Variants in CSNK1D observed in about 807,000 individuals in gnomAD.
CSNK1D encodes casein kinase I isoform delta.
A neutral mutation model predicts 46.6 loss-of-function variants in CSNK1D; 16 were observed. The observed-to-expected ratio is 0.34, with a 90% CI of 0.23 to 0.52. The LOEUF (loss-of-function observed/expected upper bound fraction) is 0.52, where lower values mean the gene tolerates loss of function less well. CSNK1D is among the 20% of genes least tolerant of loss of function. The pLI is 0.95. For missense variants in CSNK1D, 398 were observed against 578.4 expected (o/e 0.69, Z 3.20); for synonymous variants, 276 against 228.2 (o/e 1.21, Z -1.89).
At chr17:82,253,361 G>C (rs1255429769) in intron 3 of CSNK1D, 117 bp from the exon 4 acceptor site, 3 of 897,328 alleles carry the variant, frequency 3.3e-6, no homozygotes, top group Non-Finnish European at 5.6e-6. Context: ...CCACAGCAGG[G>C]TAGTTTAACA....
In CSNK1D at chr17:82,254,966, C is replaced by T. The variant is rs184989163; in HGVS notation, c.336+463G>A. Among the ~76,000 whole-genome samples the T allele has an allele frequency of 4.9e-3, 692 of 141,228 alleles. 2 individuals are homozygous for T. The highest frequency in any genetic ancestry group is 7.6e-3 in the Admixed American group (109 of 14,342). 92.7% of individuals were successfully genotyped at this position (141,228 alleles called of 152,430 possible). ...GCCTCGACAAGCCAGTGAGCTGAGC[C>T]GCCGGAGCCTCCAGAAGCCAGTCAG... On this transcript the variant is annotated intron_variant, in intron 3 of 8. Coordinates refer to ENST00000314028, the MANE Select transcript of CSNK1D (RefSeq NM_001893.6).
In CSNK1D at chr17:82,243,754, C is replaced by G; in HGVS notation, c.*1027G>C. On this transcript the variant is annotated 3_prime_UTR_variant, in exon 9 of 9. Coordinates refer to ENST00000314028, the MANE Select transcript of CSNK1D (RefSeq NM_001893.6). ...GCATTCATACAGACGGAGTGCCAAT[C>G]CGCACAGGAGCATTGAGTGCTGAGA... 1 of 985,468 alleles carries G rather than the reference C, an allele frequency of 1.0e-6. No individual in the cohort carries two copies. Among genetic ancestry groups the G allele is most frequent in the Non-Finnish European group, 1.2e-6 (1 of 829,958 alleles). The allele number at this position is 985,468 out of a possible 1,614,324, so 61.0% of individuals were successfully genotyped here. A position where few individuals can be genotyped will look rare whatever the true frequency, so the allele number is the denominator to read the frequency against.
rs1211915068 is a variant in CSNK1D, at chr17:82,251,761, A to T, written c.737-234T>A. The T allele has an allele frequency of 5.8e-6, 3 of 519,828 alleles. No homozygotes were observed. The highest frequency in any genetic ancestry group is 1.9e-5 in the African/African-American group (1 of 51,412). 32.2% of individuals were successfully genotyped at this position (519,828 alleles called of 1,614,324 possible). On this transcript the variant is annotated intron_variant, in intron 5 of 8. Coordinates refer to ENST00000314028, the MANE Select transcript of CSNK1D (RefSeq NM_001893.6). This position sits in a 1 kb window ranked among gnomAD's most constrained non-coding sequence, Gnocchi z 4.5. The stretch of plus-strand genomic sequence containing the variant: ...ACCCCAGCACTCTAGGAGGCTGAGG[A>T]GGGCGGATCACGAGGTCAGGAGATC...
chr17:82,240,999 G>A (rs1006172481), downstream of CSNK1D, among the ~76,000 whole-genome samples: 2 of 152,276 alleles, frequency 1.3e-5, no homozygotes, highest in African/African-American at 2.4e-5. Context: ...TCTGGTGCGT[G>A]GGCTGCAGAG....
chr17:82,259,814 A>C (rs2051276910), intron 2 of CSNK1D, among the ~76,000 whole-genome samples: 1 of 152,274 alleles, frequency 6.6e-6, no homozygotes. Flanking sequence ...AGAAAGGTAC[A>C]GAATACAGAC....
downstream of CSNK1D, chr17:82,242,638 A>G: frequency 1.0e-6 from 1 of 985,108 alleles, no homozygotes; most frequent in Non-Finnish European, 1.2e-6. Context: ...AGCTGATGAA[A>G]TAAAGACCAC....
At chr17:82,266,557 C>A (rs756622040) in intron 1 of CSNK1D, among the ~76,000 whole-genome samples, 5 of 152,216 alleles carry the variant, frequency 3.3e-5, no homozygotes, top group African/African-American at 1.2e-4. Context: ...TCCATCTCTG[C>A]TTTACTCCAA....
At chr17:82,261,667 C>A (rs1383584883) in intron 2 of CSNK1D, among the ~76,000 whole-genome samples, 1 of 152,180 alleles carries the variant, frequency 6.6e-6, no homozygotes, top group East Asian at 1.9e-4. Context: ...GGTCCTGGCA[C>A]AGACATGGGG....
chr17:82,240,612 T>C (rs2050729512), downstream of CSNK1D, among the ~76,000 whole-genome samples: 1 of 152,134 alleles, frequency 6.6e-6, no homozygotes, highest in South Asian at 2.1e-4. Flanking sequence ...GCAGTCTCTC[T>C]AGCTCAACTG....
At chr17:82,268,118 A>G (rs1438112108) in intron 1 of CSNK1D, among the ~76,000 whole-genome samples, 2 of 152,220 alleles carry the variant, frequency 1.3e-5, no homozygotes, top group Non-Finnish European at 2.9e-5. Context: ...GAGTCTCTAC[A>G]GGGGAGTAGC....
At position 82,249,829 on chromosome 17, in the gene CSNK1D, C is replaced by T. The variant is rs2050954816; in HGVS notation, c.886-227G>A. 5.6e-6 allele frequency: 8 copies of T among 1,432,008 alleles called. No homozygotes were observed. Among genetic ancestry groups the T allele is most frequent in the Non-Finnish European group, 7.3e-6 (8 of 1,097,876 alleles). 88.7% of individuals were successfully genotyped at this position (1,432,008 alleles called of 1,614,324 possible). Reference sequence around the variant, plus strand: ...AGCTCCCCCAACAATCGAAAAAACCCCACTCGCCATGGCATCTCCCTGTGG... The same window carrying T: ...AGCTCCCCCAACAATCGAAAAAACCTCACTCGCCATGGCATCTCCCTGTGG... On this transcript the variant is annotated intron_variant, in intron 6 of 8. Coordinates refer to ENST00000314028, the MANE Select transcript of CSNK1D (RefSeq NM_001893.6). This position sits in a 1 kb window ranked among gnomAD's most constrained non-coding sequence, Gnocchi z 6.7.
rs370494013 is a variant in CSNK1D at position 82,255,616 on chromosome 17, C to T, written c.188-39G>A. 122 of 1,613,096 alleles carry T rather than the reference C, an allele frequency of 7.6e-5. No individual in the cohort carries two copies. The highest frequency in any genetic ancestry group is 1.0e-4 in the Non-Finnish European group (119 of 1,179,346). ...TCAGACACAGTGTTTCAGTCCAGGC[C>T]CTGCCTCAGCTCCACACTAAGTCTG... On this transcript the variant is annotated intron_variant, in intron 2 of 8. Transcript: ENST00000314028. This position sits in a 1 kb window ranked among gnomAD's most constrained non-coding sequence, Gnocchi z 5.9.
chr17:82,270,580 C>T (rs1207507691), intron 1 of CSNK1D, among the ~76,000 whole-genome samples: 2 of 152,160 alleles, frequency 1.3e-5, no homozygotes, highest in East Asian at 1.9e-4. Context: ...TGGGGATGAC[C>T]GATCCATCTC....
intron 2 of CSNK1D, among the ~76,000 whole-genome samples, chr17:82,263,264 G>C (rs1464431270): frequency 6.6e-6 from 1 of 152,232 alleles, no homozygotes; most frequent in Admixed American, 6.5e-5. Flanking sequence ...TAACACAGAA[G>C]ACCTGACCTA....
chr17:82,267,614 T>G (rs554278037), intron 1 of CSNK1D, among the ~76,000 whole-genome samples: 1 of 152,314 alleles, frequency 6.6e-6, no homozygotes, highest in South Asian at 2.1e-4. Flanking sequence ...CTGCCTACAG[T>G]TGGGACAGTC....
At chr17:82,246,514 G>A (rs750781971) in intron 8 of CSNK1D, 66 of 1,073,648 alleles carry the variant, frequency 6.1e-5, no homozygotes, top group Admixed American at 1.4e-4. Context: ...ACCCCAAACA[G>A]ACTCAGCAAC....
chr17:82,243,005 C>T lies in CSNK1D; in HGVS notation c.*1776G>A, dbSNP rs12444. The T allele has an allele frequency of 0.054, 53,132 of 985,458 alleles. 1,592 individuals carry two copies. The highest frequency in any genetic ancestry group is 0.059 in the Non-Finnish European group (48,744 of 829,954). 61.0% of individuals were successfully genotyped at this position (985,458 alleles called of 1,614,324 possible). ...CGTCTCTCCGGGTGGGGGACGTCTA[C>T]CTTCAAGAAGGGGTCCAGCAACAAA... On this transcript the variant is annotated 3_prime_UTR_variant, in exon 9 of 9. Transcript: ENST00000314028.
rs112553966 is a variant in CSNK1D, at chr17:82,251,827, GAAA to G, written c.737-303_737-301del. 354 of 266,040 alleles carry G rather than the reference GAAA, an allele frequency of 1.3e-3. No homozygotes were observed. The highest frequency in any genetic ancestry group is 4.0e-3 in the Middle Eastern group (3 of 742). 16.5% of individuals were successfully genotyped at this position (266,040 alleles called of 1,614,324 possible). A position where few individuals can be genotyped will look rare whatever the true frequency, so the allele number is the denominator to read the frequency against. On this transcript the variant is annotated intron_variant, in intron 5 of 8. Transcript: ENST00000314028. The surrounding 1 kb of genome is among the most constrained non-coding windows in gnomAD (Gnocchi z 4.5). ...AACACAGTGAAACCCCATCTCTACT[GAAA>G]AAAAAAAAAAAAAAGTTCTAGAGCG...
chr17:82,269,230 G>A (rs760786547), intron 1 of CSNK1D, among the ~76,000 whole-genome samples: 45 of 151,740 alleles, frequency 3.0e-4, no homozygotes, highest in Non-Finnish European at 6.0e-4. Context: ...GGATTGTCTT[G>A]TCAACAAAAA....
Sources: gnomAD v4.1 joint callset for allele counts (sites outside exome capture counted in the v4.1 genomes callset) on GRCh38, gnomAD v4.1.1 for gene constraint, Gnocchi (gnomAD v3.1) non-coding constraint, MANE v1.5 for transcripts, NCBI Gene and HGNC (gene_info 2026-07-23, HGNC 2026-07-21) for gene names.